The following DENND1A variants were observed in gnomAD, a reference collection of about 807,000 sequenced individuals.
DENND1A encodes the protein DENN domain containing 1A.
A neutral mutation model predicts 113.7 loss-of-function variants in DENND1A; 51 were observed. The ratio of observed to expected loss-of-function variants is 0.45; its 90% confidence interval spans 0.36 to 0.57. The LOEUF is 0.57. DENND1A is among the 20% of genes least tolerant of loss of function. DENND1A has a pLI of 0.00. For missense variants in DENND1A, 1,258 were observed against 1,395.9 expected (o/e 0.90, Z 1.57); for synonymous variants, 565 against 570.8 (o/e 0.99, Z 0.14).
intron 2 of DENND1A, among the ~76,000 whole-genome samples, chr9:123,860,668 T>C (rs190836034): frequency 4.1e-4 from 62 of 152,352 alleles, no homozygotes; most frequent in African/African-American, 1.3e-3. Context: ...CCCCAGTGCA[T>C]TGCCTAATAA....
chr9:123,690,452 T>C (rs1421844633), intron 5 of DENND1A, among the ~76,000 whole-genome samples: 1 of 152,170 alleles, frequency 6.6e-6, no homozygotes, highest in Non-Finnish European at 1.5e-5. Context: ...CAATATATTA[T>C]GAACTATCAA....
At position 123,380,172 on chromosome 9, in the gene DENND1A, TCGAAA is replaced by T. The variant is rs1417198692; in HGVS notation, c.*1255_*1259del. On this transcript the variant is annotated 3_prime_UTR_variant, in exon 24 of 24. Transcript: ENST00000394215. Reference sequence around the variant, plus strand: ...CACAAATAGGAAATGAGAGCTCGGGTCGAAATGCTCACAATTTCCTGCGTGTCTCA... The same window carrying T: ...CACAAATAGGAAATGAGAGCTCGGGTTGCTCACAATTTCCTGCGTGTCTCA... 1 of 152,260 alleles carries T rather than the reference TCGAAA, an allele frequency of 6.6e-6. No homozygotes were observed. Among genetic ancestry groups the T allele is most frequent in the Non-Finnish European group, 1.5e-5 (1 of 68,028 alleles). 9.4% of individuals were successfully genotyped at this position (152,260 alleles called of 1,614,324 possible).
chr9:123,573,185 TTTA>T (rs1235267625), intron 12 of DENND1A, among the ~76,000 whole-genome samples: 1 of 152,152 alleles, frequency 6.6e-6, no homozygotes, highest in African/African-American at 2.4e-5. Flanking sequence ...TTACTGTAAC[TTTA>T]TAGTGAGTCT....
At chr9:123,393,403 G>A (rs187428407) in intron 21 of DENND1A, among the ~76,000 whole-genome samples, 3 of 152,224 alleles carry the variant, frequency 2.0e-5, no homozygotes, top group African/African-American at 7.2e-5. Flanking sequence ...GGGAACCCCC[G>A]TCTCCTGCCA....
chr9:123,707,934 A>C lies in DENND1A; in HGVS notation c.303-31145T>G, dbSNP rs114799239. ...GAATGGGAAGAAGAAAACTGATGGA[A>C]TCGTGTCTTGAGTAGACGAAAGGGG... On this transcript the variant is annotated intron_variant, in intron 5 of 23. Transcript: ENST00000394215. 6.9e-3 allele frequency among the ~76,000 whole-genome samples: 1,050 copies of C among 152,294 alleles called. 12 individuals are homozygous for C. Among genetic ancestry groups the C allele is most frequent in the African/African-American group, 0.024 (1,002 of 41,564 alleles).
rs188079857 is a variant in DENND1A, at chr9:123,655,535, A to G, written c.508-3412T>C. On this transcript the variant is annotated intron_variant, in intron 8 of 23. Coordinates refer to ENST00000394215, the MANE Select transcript of DENND1A (RefSeq NM_001352964.2). Reference sequence around the variant, plus strand: ...ACTGGAAGCTACACAAAGACCGGTAAGTAACTGGGAATGGCGGAGGGAGGG... The same window carrying G: ...ACTGGAAGCTACACAAAGACCGGTAGGTAACTGGGAATGGCGGAGGGAGGG... 1.1e-4 allele frequency among the ~76,000 whole-genome samples: 17 copies of G among 152,322 alleles called. 1 individual carries two copies. In the East Asian group the frequency reaches 3.3e-3, roughly 29 times the overall value.
At chr9:123,638,840 G>T (rs1048551738) in intron 9 of DENND1A, among the ~76,000 whole-genome samples, 1 of 151,690 alleles carries the variant, frequency 6.6e-6, no homozygotes, top group Non-Finnish European at 1.5e-5. Context: ...AGTCTAAGTG[G>T]ATATTTCTAT....
intron 9 of DENND1A, among the ~76,000 whole-genome samples, chr9:123,635,513 A>C (rs764032714): frequency 4.6e-5 from 7 of 152,240 alleles, no homozygotes; most frequent in Non-Finnish European, 8.8e-5. Context: ...AGTGTGGAGG[A>C]CTCTGAAATA....
At chr9:123,854,632 G>A (rs1366578059) in intron 2 of DENND1A, among the ~76,000 whole-genome samples, 1 of 151,262 alleles carries the variant, frequency 6.6e-6, no homozygotes, top group Non-Finnish European at 1.5e-5. Context: ...GACGCAGAGG[G>A]TGCAGTGAGC....
chr9:123,762,494 G>C (rs996609917), intron 4 of DENND1A, among the ~76,000 whole-genome samples: 1 of 152,216 alleles, frequency 6.6e-6, no homozygotes, highest in Non-Finnish European at 1.5e-5. Context: ...GCATGAGGAT[G>C]GACAGTTTGA....
intron 2 of DENND1A, among the ~76,000 whole-genome samples, chr9:123,851,239 T>TAG (rs1051989812): frequency 5.6e-4 from 86 of 152,330 alleles, no homozygotes; most frequent in African/African-American, 1.9e-3. Context: ...CACTATACAT[T>TAG]AGTTTGTACT....
Position 123,667,025 on chromosome 9 carries a change from C to T in DENND1A, c.507+1G>A. The T allele has an allele frequency of 6.3e-7, 1 of 1,588,502 alleles. No homozygotes were observed. Among genetic ancestry groups the T allele is most frequent in the Non-Finnish European group, 8.5e-7 (1 of 1,172,020 alleles). ...ATTTTTTCTTCTTCCCAAGTACTTACATTCTCAGGTATGCTGGGAAGTTCT... is the reference window on the plus strand; with the variant it reads ...ATTTTTTCTTCTTCCCAAGTACTTATATTCTCAGGTATGCTGGGAAGTTCT... On this transcript the variant is annotated splice_donor_variant, in intron 8 of 23. Transcript: ENST00000394215. LOFTEE classifies it high-confidence loss of function.
intron 13 of DENND1A, among the ~76,000 whole-genome samples, chr9:123,470,981 C>A (rs1443048654): frequency 6.6e-6 from 1 of 152,170 alleles, no homozygotes. Context: ...GAAAGAGCGC[C>A]AGGGGAGTCA....
chr9:123,705,735 A>G (rs80238583), intron 5 of DENND1A, among the ~76,000 whole-genome samples: 11,003 of 152,266 alleles, frequency 0.072, 482 homozygotes, highest in Admixed American at 0.11. Flanking sequence ...AAAGGTGTCA[A>G]TTCATTCCAG....
intron 2 of DENND1A, among the ~76,000 whole-genome samples, chr9:123,838,388 C>CAT (rs1354307358): frequency 2.0e-5 from 3 of 151,912 alleles, no homozygotes; most frequent in Admixed American, 6.6e-5. Flanking sequence ...TATGTATATA[C>CAT]ATATATATAA....
chr9:123,689,309 G>A (rs543827645), intron 5 of DENND1A, among the ~76,000 whole-genome samples: 1 of 152,302 alleles, frequency 6.6e-6, no homozygotes, highest in South Asian at 2.1e-4. Flanking sequence ...AAAGGTGTGA[G>A]CCACTGCACC....
intron 2 of DENND1A, among the ~76,000 whole-genome samples, chr9:123,823,900 G>A (rs1190089493): frequency 6.6e-6 from 1 of 152,178 alleles, no homozygotes; most frequent in East Asian, 1.9e-4. Flanking sequence ...GGGGAACCCT[G>A]TTGAATAAGC....
At chr9:123,835,008 C>G (rs1564362135) in intron 2 of DENND1A, among the ~76,000 whole-genome samples, 1 of 151,760 alleles carries the variant, frequency 6.6e-6, no homozygotes, top group Non-Finnish European at 1.5e-5. Context: ...ATTCTGCCAA[C>G]AGGCAAGAGC....
intron 13 of DENND1A, among the ~76,000 whole-genome samples, chr9:123,469,272 G>A (rs936136782): frequency 3.9e-5 from 6 of 152,224 alleles, no homozygotes; most frequent in African/African-American, 9.6e-5. Flanking sequence ...ATGTCTCATC[G>A]TGAAGCCAGC....
Sources: gnomAD v4.1 joint callset for allele counts (sites outside exome capture counted in the v4.1 genomes callset) on GRCh38, gnomAD v4.1.1 for gene constraint, MANE v1.5 for transcripts, NCBI Gene and HGNC (gene_info 2026-07-23, HGNC 2026-07-21) for gene names.